Variants in NAF1 observed in about 807,000 individuals in gnomAD.
The protein encoded by NAF1 is H/ACA ribonucleoprotein complex non-core subunit NAF1.
NAF1 carries 11 observed loss-of-function variants against 40.6 expected under a neutral mutation model. That is an observed-to-expected ratio of 0.27 (90% CI 0.17 to 0.45). The LOEUF (loss-of-function observed/expected upper bound fraction) is 0.45. Among genes scored for constraint, NAF1 ranks in the 20% least tolerant of loss-of-function variants. The probability of loss-of-function intolerance (pLI) is 1.00; values close to 1 mark genes in which losing one functional copy is unlikely to be tolerated. For missense variants in NAF1, 607 were observed against 611.1 expected, an observed-to-expected ratio of 0.99 and a Z score of 0.07; for synonymous variants, 260 against 228.5, an observed-to-expected ratio of 1.14 and a Z score of -1.24.
intron 2 of NAF1, among the ~76,000 whole-genome samples, chr4:163,153,403 G>A (rs1388423932): frequency 1.3e-5 from 2 of 152,222 alleles, no homozygotes; most frequent in Non-Finnish European, 2.9e-5. Context: ...CTCAAGGTTT[G>A]TAAGTGCACC....
chr4:163,164,353 G>A lies in NAF1; in HGVS notation c.404C>T (p.Ser135Phe). Residue 135 changes from serine (S) to phenylalanine (F), a missense_variant, in exon 2 of 8, where the codon TCT (serine) becomes TTT (phenylalanine). Physicochemically the swap from Ser to Phe is radical, Grantham distance 155. Around this residue, in one of 3 missense-constraint regions of NAF1, gnomAD observed 407 missense variants for 365.5 expected, o/e 1.11. Transcript: ENST00000274054. Reference protein sequence around the residue: ...DSDSSSSSSSSSSSSSSSSSS... With the variant: ...DSDSSSSSSSFSSSSSSSSSS... ...AGAAGACGACGATGAGGAAGATGAA[G>A]AGGAAGACGATGAACTTGAACTATC... 1.9e-6 allele frequency: 3 copies of A among 1,594,298 alleles called. No homozygotes were observed. The highest frequency in any genetic ancestry group is 8.5e-7 in the Non-Finnish European group (1 of 1,170,704).
At chr4:163,155,953 GGCCTGGGATAGAAAGA>G in intron 2 of NAF1, among the ~76,000 whole-genome samples, 1 of 139,788 alleles carries the variant, frequency 7.2e-6, no homozygotes, top group South Asian at 2.6e-4. Context: ...TGATAGGAAA[GGCCTGGGATAGAAAGA>G]CCTTCTTCAT....
intron 2 of NAF1, among the ~76,000 whole-genome samples, chr4:163,152,374 G>C (rs1731745803): frequency 6.6e-6 from 1 of 152,210 alleles, no homozygotes; most frequent in Non-Finnish European, 1.5e-5. Context: ...CTGCTCTAAA[G>C]AGTACTAGGA....
Position 163,166,821 on chromosome 4 carries a change from G to A in NAF1, c.-94C>T. ...AAATAGAAAAACAACTTAGGCAACC[G>A]CAGCAACACTGCCTGGGCCCAACTT... On this transcript the variant is annotated 5_prime_UTR_variant, in exon 1 of 8. Coordinates refer to ENST00000274054, the MANE Select transcript of NAF1 (RefSeq NM_138386.3). 1 of 1,498,374 alleles carries A rather than the reference G, an allele frequency of 6.7e-7. No homozygotes were observed. The allele number at this position is 1,498,374 out of a possible 1,614,324, so 92.8% of individuals were successfully genotyped here.
chr4:163,149,612 G>C (rs1560799191), intron 2 of NAF1, among the ~76,000 whole-genome samples: 1 of 152,094 alleles, frequency 6.6e-6, no homozygotes, highest in African/African-American at 2.4e-5. Context: ...TGGTGTTAGA[G>C]GAAATTATTT....
At chr4:163,117,448 C>T (rs1026871425) in intron 2 of NAF1, 10 of 151,818 alleles carry the variant, frequency 6.6e-5, no homozygotes, top group African/African-American at 2.2e-4. Context: ...GGTTCATTAA[C>T]GGAAATATTA....
downstream of NAF1, among the ~76,000 whole-genome samples, chr4:163,127,564 C>A (rs1730702556): frequency 6.6e-6 from 1 of 152,184 alleles, no homozygotes; most frequent in Non-Finnish European, 1.5e-5. Context: ...CTCATGAACT[C>A]TTACAATATT....
chr4:163,112,377 T>C (rs748105273), intron 2 of NAF1, among the ~76,000 whole-genome samples: 1 of 152,190 alleles, frequency 6.6e-6, no homozygotes, highest in Non-Finnish European at 1.5e-5. Flanking sequence ...TTGGATTCAC[T>C]GGAAGCAAAT....
At chr4:163,110,175 G>C (rs1251896828) in exon 3 of NAF1, 2 of 627,738 alleles carry the variant, frequency 3.2e-6, no homozygotes, top group Non-Finnish European at 5.7e-6. Context: ...TGCTTGACTA[G>C]GCTGGTAGAC....
chr4:163,126,538 T>C (rs554982967), downstream of NAF1, among the ~76,000 whole-genome samples: 5 of 152,220 alleles, frequency 3.3e-5, no homozygotes, highest in Non-Finnish European at 7.3e-5. Flanking sequence ...TTACTTCTTA[T>C]GCATAAGCAA....
intron 6 of NAF1, among the ~76,000 whole-genome samples, chr4:163,136,786 T>C (rs1198414727): frequency 1.3e-5 from 2 of 152,226 alleles, no homozygotes; most frequent in Non-Finnish European, 2.9e-5. Flanking sequence ...CCAATGATTC[T>C]GTACTTCCAA....
In NAF1 at chr4:163,134,928, ATAGT is replaced by A. The variant is rs532647362; in HGVS notation, c.931-1676_931-1673del. ...GAGGAAGTAAGGATTTTAATTGGGA[ATAGT>A]TTATTTCAGAGAGATTACTCTGGTA... On this transcript the variant is annotated intron_variant, in intron 6 of 7. Transcript: ENST00000274054. 3.2e-3 allele frequency: 485 copies of A among 152,298 alleles called. 3 individuals are homozygous for A. The highest frequency in any genetic ancestry group is 0.011 in the African/African-American group (438 of 41,562). 9.4% of individuals were successfully genotyped at this position (152,298 alleles called of 1,614,324 possible).
intron 6 of NAF1, 111 bp from the exon 7 acceptor site, chr4:163,133,367 A>C: frequency 1.4e-6 from 1 of 728,370 alleles, no homozygotes; most frequent in South Asian, 2.1e-5. Flanking sequence ...ACTCTAAAAA[A>C]AGTTGTCTTT....
intron 6 of NAF1, among the ~76,000 whole-genome samples, chr4:163,133,922 C>T (rs1165917611): frequency 5.3e-5 from 8 of 152,040 alleles, no homozygotes; most frequent in Non-Finnish European, 1.0e-4. Flanking sequence ...GGATTACAGG[C>T]GCACGCCACC....
At chr4:163,157,265 T>C (rs1367837055) in intron 2 of NAF1, 1 of 152,098 alleles carries the variant, frequency 6.6e-6, no homozygotes, top group Non-Finnish European at 1.5e-5. Flanking sequence ...TGAGAAAATA[T>C]GCTACATGAT....
At chr4:163,131,698 A>G (rs145260088) in intron 7 of NAF1, among the ~76,000 whole-genome samples, 1,557 of 152,330 alleles carry the variant, frequency 0.01, 17 homozygotes, top group Non-Finnish European at 0.017. Flanking sequence ...CTCAGATTCC[A>G]TAAACAAAAT....
At chr4:163,132,145 C>T (rs1339119709) in intron 7 of NAF1, among the ~76,000 whole-genome samples, 1 of 152,162 alleles carries the variant, frequency 6.6e-6, no homozygotes, top group Non-Finnish European at 1.5e-5. Flanking sequence ...TGCTGAAGAA[C>T]AGTATGGTAG....
chr4:163,147,726 G>A (rs1049331995), intron 3 of NAF1, among the ~76,000 whole-genome samples: 3 of 152,158 alleles, frequency 2.0e-5, no homozygotes, highest in Admixed American at 6.6e-5. Flanking sequence ...AGGACCACGA[G>A]ATAGGGGAGA....
Position 163,133,221 on chromosome 4 carries a change from T to G in NAF1, c.966A>C (p.Glu322Asp), listed in dbSNP as rs146474502. 1,100 of 1,613,818 alleles carry G rather than the reference T, an allele frequency of 6.8e-4. 2 individuals carry two copies. Among genetic ancestry groups the G allele is most frequent in the Non-Finnish European group, 8.7e-4 (1,024 of 1,179,856 alleles). Residue 322 changes from glutamate to aspartate, a missense_variant, in exon 7 of 8, where the codon GAA becomes GAC. Physicochemically the swap from Glu to Asp is conservative, Grantham distance 45 (BLOSUM62 2). This residue lies in a region of NAF1 where 189 missense variants were observed against 216.6 expected (regional missense o/e 0.87). Coordinates refer to ENST00000274054, the MANE Select transcript of NAF1 (RefSeq NM_138386.3). ...TCTGAGATTTTTTCCTCTGTTTGGC[T>G]TCCTTCTCTTTTTCATCATCACTAA... ...LDFSDDEKEK[E>D]AKQRKKSQIQ...
Sources: gnomAD v4.1 joint callset for allele counts (sites outside exome capture counted in the v4.1 genomes callset) on GRCh38, gnomAD v4.1.1 for gene constraint, gnomAD v4.1.1 regional missense constraint, MANE v1.5 for transcripts, NCBI Gene and HGNC (gene_info 2026-07-23, HGNC 2026-07-21) for gene names.